DDX50: variants seen among roughly 807,000 people sequenced by gnomAD.
DDX50 encodes the protein DExD-box helicase 50.
In DDX50, 56 loss-of-function variants were observed where a neutral mutation model predicts 94.8. That is an observed-to-expected ratio of 0.59 (90% CI 0.48 to 0.74). The LOEUF is 0.74. Ranked by LOEUF, DDX50 falls within the 30% of genes least tolerant of loss-of-function variation. The pLI, the probability that DDX50 is intolerant of heterozygous loss-of-function variation, is 0.00. For missense variants in DDX50, 713 were observed against 881.2 expected (o/e 0.81, Z 2.42); for synonymous variants, 264 against 295.4 (o/e 0.89, Z 1.09).
At chr10:68,932,723 G>T (rs965678063) in intron 8 of DDX50, among the ~76,000 whole-genome samples, 2 of 152,074 alleles carry the variant, frequency 1.3e-5, no homozygotes, top group African/African-American at 4.8e-5. Flanking sequence ...ATATAAATAG[G>T]TTCAGTGTCA....
chr10:68,936,884 T>C (rs1014191915), intron 11 of DDX50, 52 bp from the exon 12 acceptor site: 77 of 1,496,970 alleles, frequency 5.1e-5, no homozygotes, highest in Non-Finnish European at 6.3e-5. Flanking sequence ...TTTCTTCTTA[T>C]CTTTTATTTT....
intron 8 of DDX50, among the ~76,000 whole-genome samples, chr10:68,926,776 C>CAT (rs768635509): frequency 1.2e-5 from 1 of 85,420 alleles, no homozygotes; most frequent in Non-Finnish European, 2.4e-5. Flanking sequence ...CACAGAGATA[C>CAT]ACACACACAC....
intron 12 of DDX50, among the ~76,000 whole-genome samples, chr10:68,939,022 G>C (rs1326733610): frequency 5.9e-5 from 9 of 152,102 alleles, no homozygotes; most frequent in African/African-American, 1.4e-4. Context: ...TAATATCAAA[G>C]CTTGACTTTT....
At chr10:68,923,733 G>A (rs2132040786) in intron 8 of DDX50, among the ~76,000 whole-genome samples, 1 of 151,426 alleles carries the variant, frequency 6.6e-6, no homozygotes. Flanking sequence ...TAGTAGAGAT[G>A]GGGTTTCACC....
chr10:68,901,516 T>C, intron 1 of DDX50, 45 bp downstream of exon 1: 1 of 1,538,610 alleles, frequency 6.5e-7, no homozygotes, highest in South Asian at 1.2e-5. Flanking sequence ...TGCGCCGGCT[T>C]GGGCGGGGAG....
chr10:68,913,805 T>C lies in DDX50; in HGVS notation c.943+229T>C, dbSNP rs367559334. Among the ~76,000 whole-genome samples, 12 of 152,374 alleles carry C rather than the reference T, an allele frequency of 7.9e-5. No individual in the cohort carries two copies. In the South Asian group the frequency reaches 1.7e-3, roughly 21 times the overall value. On this transcript the variant is annotated intron_variant, in intron 6 of 14. Transcript: ENST00000373585. ...TTTTATAGTCAGTAGTTAGATTTAC[T>C]AACTCATTTTATTGATTTCTTTGTT... is the stretch of plus-strand genomic sequence containing the variant.
chr10:68,909,787 C>G (rs1295433524), intron 2 of DDX50, among the ~76,000 whole-genome samples: 3 of 152,068 alleles, frequency 2.0e-5, no homozygotes, highest in South Asian at 2.1e-4. Flanking sequence ...CTCAGCCTCC[C>G]GAGTAGCTGG....
chr10:68,942,675 G>A (rs1315119921), intron 13 of DDX50, among the ~76,000 whole-genome samples: 2 of 151,620 alleles, frequency 1.3e-5, no homozygotes, highest in Non-Finnish European at 2.9e-5. Flanking sequence ...GTGCAGTGGC[G>A]TGATCTTAGC....
At chr10:68,932,187 A>G (rs1217949085) in intron 8 of DDX50, among the ~76,000 whole-genome samples, 1 of 152,226 alleles carries the variant, frequency 6.6e-6, no homozygotes, top group Non-Finnish European at 1.5e-5. Context: ...GCAAGTGCTC[A>G]CTGAATTCAT....
chr10:68,945,977 A>G (rs970430424), intron 14 of DDX50, among the ~76,000 whole-genome samples: 21 of 151,874 alleles, frequency 1.4e-4, no homozygotes, highest in African/African-American at 5.1e-4. Flanking sequence ...AATACATAGT[A>G]TAGTTTTAGA....
intron 7 of DDX50, among the ~76,000 whole-genome samples, chr10:68,915,610 G>T (rs1252770744): frequency 6.6e-6 from 1 of 151,700 alleles, no homozygotes; most frequent in African/African-American, 2.4e-5. Flanking sequence ...CAGCTACTTA[G>T]GAGGCTAAGG....
chr10:68,903,223 C>T (rs1841340339), intron 1 of DDX50, among the ~76,000 whole-genome samples: 2 of 151,686 alleles, frequency 1.3e-5, no homozygotes, highest in South Asian at 4.2e-4. Flanking sequence ...TTGTAGAGAC[C>T]CTGTCTCTAC....
At chr10:68,941,008 T>C (rs542308999) in intron 12 of DDX50, 52 bp from the exon 13 acceptor site, 3 of 1,571,318 alleles carry the variant, frequency 1.9e-6, no homozygotes, top group East Asian at 4.5e-5. Flanking sequence ...TAGAATTTCA[T>C]TGTACTGCTG....
In DDX50 at chr10:68,929,292, CCTCTCTCT is replaced by C. The variant is rs1167345123; in HGVS notation, c.1240-4892_1240-4885del. ...TCCTTCCTTCCTTCCTTCCTTCCTT[CCTCTCTCT>C]CTCTCTCTCTCTCTTTCTTTCTCTT... On this transcript the variant is annotated intron_variant, in intron 8 of 14. Coordinates refer to ENST00000373585, the MANE Select transcript of DDX50 (RefSeq NM_024045.2). 4.9e-5 allele frequency among the ~76,000 whole-genome samples: 6 copies of C among 122,628 alleles called. No homozygotes were observed. The South Asian group carries it at 1.1e-3, about 22-fold the overall frequency. The allele number at this position is 122,628 out of a possible 152,430, so 80.4% of individuals were successfully genotyped here.
intron 14 of DDX50, 58 bp downstream of exon 14, chr10:68,943,315 G>A: frequency 7.2e-7 from 1 of 1,394,618 alleles, no homozygotes; most frequent in Non-Finnish European, 9.9e-7. Flanking sequence ...ATTTAGATTG[G>A]GATATTTTGG....
intron 8 of DDX50, among the ~76,000 whole-genome samples, chr10:68,921,491 GGTTT>G (rs149663285): frequency 0.059 from 8,982 of 151,968 alleles, 849 homozygotes; most frequent in African/African-American, 0.2. Context: ...TGAATATTCA[GGTTT>G]GTTTGTTTGT....
At chr10:68,923,786 G>A (rs947691951) in intron 8 of DDX50, among the ~76,000 whole-genome samples, 2 of 149,724 alleles carry the variant, frequency 1.3e-5, no homozygotes, top group Admixed American at 6.7e-5. Flanking sequence ...TCAAGTGATC[G>A]TTTTGCCTCG....
At position 68,906,911 on chromosome 10, in the gene DDX50, A is replaced by G. The variant is rs1348102832; in HGVS notation, c.288A>G (p.Leu96=). The G allele has an allele frequency of 4.3e-6, 7 of 1,609,398 alleles. No individual in the cohort carries two copies. Among genetic ancestry groups the G allele is most frequent in the African/African-American group, 1.3e-5 (1 of 74,502 alleles). ...SKSHKSRRKD[L]PNGDIDEYEK... The stretch of plus-strand genomic sequence containing the variant: ...CTCATAAGTCAAGAAGAAAAGATCT[A>G]CCAAATGGAGATATAGATGAATATG... Residue 96 remains leucine (L), a synonymous_variant, in exon 2 of 15, where the codon CTA becomes CTG. Coordinates refer to ENST00000373585, the MANE Select transcript of DDX50 (RefSeq NM_024045.2).
chr10:68,929,246 C>T (rs1842169308), intron 8 of DDX50, among the ~76,000 whole-genome samples: 1 of 125,024 alleles, frequency 8.0e-6, no homozygotes, highest in Admixed American at 8.2e-5. Flanking sequence ...TATGCCCAGC[C>T]TGGTCCCTTC....
Sources: gnomAD v4.1 joint callset for allele counts (sites outside exome capture counted in the v4.1 genomes callset) on GRCh38, gnomAD v4.1.1 for gene constraint, MANE v1.5 for transcripts, NCBI Gene and HGNC (gene_info 2026-07-23, HGNC 2026-07-21) for gene names.